FER: variants seen among roughly 807,000 people sequenced by gnomAD.
FER encodes FER tyrosine kinase.
Under a neutral mutation model 111.0 loss-of-function variants are expected in FER, and 63 were observed. The ratio of observed to expected loss-of-function variants is 0.57; its 90% CI spans 0.46 to 0.70. FER has a LOEUF of 0.70. Among genes scored for constraint, FER ranks in the 30% least tolerant of loss-of-function variants. FER has a pLI of 0.00. For synonymous variants in FER, 327 were observed against 313.9 expected, an observed-to-expected ratio of 1.04 and a Z score of -0.44; for missense variants, 914 against 954.0, an observed-to-expected ratio of 0.96 and a Z score of 0.55.
chr5:109,068,242 G>A (rs115398584), intron 16 of FER, among the ~76,000 whole-genome samples: 1,540 of 144,750 alleles, frequency 0.011, 20 homozygotes, highest in African/African-American at 0.037. Context: ...GGAGTGTAGC[G>A]GCACAGAGTC....
rs112196598 is a variant in FER at position 108,986,376 on chromosome 5, T to C, written c.1656+27029T>C. On this transcript the variant is annotated intron_variant, in intron 13 of 19. Coordinates refer to ENST00000281092, the MANE Select transcript of FER (RefSeq NM_005246.4). ...TTTCAGATGTATAGATTGTGAAGATTTTCTTCCACTCTATGTGTTGTCTGT... is the reference window on the plus strand; with the variant it reads ...TTTCAGATGTATAGATTGTGAAGATCTTCTTCCACTCTATGTGTTGTCTGT... 8.8e-3 allele frequency among the ~76,000 whole-genome samples: 1,346 copies of C among 152,174 alleles called. 22 individuals carry two copies. The highest frequency in any genetic ancestry group is 0.031 in the African/African-American group (1,277 of 41,534).
In FER at chr5:109,105,376, G is replaced by C. The variant is rs1438518197; in HGVS notation, c.2048+4857G>C. 4.0e-5 allele frequency among the ~76,000 whole-genome samples: 6 copies of C among 151,414 alleles called. No homozygotes were observed. The East Asian group carries it at 1.2e-3, about 29-fold the overall frequency. Reference sequence around the variant, plus strand: ...TTTGAGGATTTATTTCTCTATTTTTGTACTGAAAATGATTACCTAGTGTCT... The same window carrying C: ...TTTGAGGATTTATTTCTCTATTTTTCTACTGAAAATGATTACCTAGTGTCT... On this transcript the variant is annotated intron_variant, in intron 17 of 19. Coordinates refer to ENST00000281092, the MANE Select transcript of FER (RefSeq NM_005246.4).
intron 13 of FER, among the ~76,000 whole-genome samples, chr5:108,995,160 G>A (rs1319149792): frequency 6.6e-6 from 1 of 152,140 alleles, no homozygotes; most frequent in African/African-American, 2.4e-5. Flanking sequence ...GAAAAGGAGT[G>A]GTGAGAGAGG....
In FER at chr5:109,071,905, C is replaced by G. The variant is rs984437149; in HGVS notation, c.1924+24707C>G. On this transcript the variant is annotated intron_variant, in intron 16 of 19. Coordinates refer to ENST00000281092, the MANE Select transcript of FER (RefSeq NM_005246.4). ...GGCAATGTTTATATAGTTCTATCGT[C>G]ATGAGGGAATTTTTCTTCCTGAATA... is the stretch of plus-strand genomic sequence containing the variant. Among the ~76,000 whole-genome samples the G allele has an allele frequency of 2.7e-5, 4 of 150,550 alleles. No individual in the cohort carries two copies. In the Admixed American group the frequency reaches 2.7e-4, roughly 10 times the overall value.
intron 16 of FER, among the ~76,000 whole-genome samples, chr5:109,095,874 G>A (rs992361197): frequency 6.6e-6 from 1 of 151,874 alleles, no homozygotes; most frequent in Non-Finnish European, 1.5e-5. Flanking sequence ...AAACTTCTCA[G>A]GAAACAAATT....
At chr5:109,069,404 C>G (rs553718186) in intron 16 of FER, among the ~76,000 whole-genome samples, 1 of 152,202 alleles carries the variant, frequency 6.6e-6, no homozygotes, top group Admixed American at 6.5e-5. Context: ...GACAAGAGAT[C>G]TTTAGAGAGT....
intron 13 of FER, among the ~76,000 whole-genome samples, chr5:109,035,416 A>G (rs556975217): frequency 2.6e-5 from 4 of 152,246 alleles, no homozygotes; most frequent in African/African-American, 9.6e-5. Context: ...GTTTGTCTAG[A>G]TTTATTAACT....
intron 5 of FER, among the ~76,000 whole-genome samples, chr5:108,855,534 T>C (rs1580890700): frequency 7.2e-6 from 1 of 139,378 alleles, no homozygotes; most frequent in South Asian, 2.2e-4. Flanking sequence ...GGCAGGAGAA[T>C]GGCGTGAACC....
At chr5:108,892,491 T>C (rs1748271027) in intron 9 of FER, among the ~76,000 whole-genome samples, 1 of 152,230 alleles carries the variant, frequency 6.6e-6, no homozygotes, top group African/African-American at 2.4e-5. Context: ...GTTCATATCC[T>C]TCACCCCCTT....
intron 9 of FER, among the ~76,000 whole-genome samples, chr5:108,883,783 A>G (rs571857692): frequency 1.2e-4 from 19 of 152,136 alleles, no homozygotes; most frequent in Middle Eastern, 3.4e-3. Context: ...AGTTTGAACT[A>G]TCTTTCAAAA....
At chr5:108,975,348 C>T (rs1235567038) in intron 13 of FER, among the ~76,000 whole-genome samples, 2 of 152,090 alleles carry the variant, frequency 1.3e-5, no homozygotes, top group Non-Finnish European at 2.9e-5. Flanking sequence ...AGCGAACCAC[C>T]ATGACACATG....
At chr5:108,822,821 G>A (rs564994543) in intron 3 of FER, among the ~76,000 whole-genome samples, 76 of 148,126 alleles carry the variant, frequency 5.1e-4, no homozygotes, top group African/African-American at 1.7e-3. Flanking sequence ...ACAGAGTCTC[G>A]TTCTGTCGCC....
chr5:108,821,124 A>G (rs1466427163), intron 3 of FER, among the ~76,000 whole-genome samples: 1 of 152,220 alleles, frequency 6.6e-6, no homozygotes. Flanking sequence ...AAAAAATAAC[A>G]TGGTCTTAAA....
chr5:109,112,130 A>ATT (rs1749693119), intron 17 of FER, among the ~76,000 whole-genome samples: 1 of 151,854 alleles, frequency 6.6e-6, no homozygotes, highest in Non-Finnish European at 1.5e-5. Context: ...CCTACCTCAC[A>ATT]GTCACTGTTT....
chr5:108,772,502 C>T (rs545398185), intron 2 of FER, among the ~76,000 whole-genome samples: 3 of 151,754 alleles, frequency 2.0e-5, no homozygotes, highest in African/African-American at 7.3e-5. Flanking sequence ...ATGTACTTAA[C>T]ATCTCTTCTG....
intron 3 of FER, among the ~76,000 whole-genome samples, chr5:108,802,250 G>T (rs76791339): frequency 0.022 from 3,305 of 151,830 alleles, 114 homozygotes; most frequent in African/African-American, 0.076. Flanking sequence ...CTGGGATTTT[G>T]CTTGGAATTA....
chr5:108,860,470 C>T (rs1436701892), intron 5 of FER, among the ~76,000 whole-genome samples: 19 of 152,272 alleles, frequency 1.2e-4, no homozygotes, highest in Admixed American at 1.1e-3. Context: ...CTTGGGGCTG[C>T]ACATCTAATC....
intron 17 of FER, among the ~76,000 whole-genome samples, chr5:109,139,518 G>GA (rs1279944258): frequency 6.6e-6 from 1 of 151,658 alleles, no homozygotes. Flanking sequence ...CAGTTTTTAA[G>GA]AAAAAATGCT....
chr5:109,046,993 A>C, intron 15 of FER, 111 bp from the exon 16 acceptor site: 1 of 561,226 alleles, frequency 1.8e-6, no homozygotes. Flanking sequence ...CTGAAATTTT[A>C]AAAATTGAAT....
Sources: gnomAD v4.1 joint callset for allele counts (sites outside exome capture counted in the v4.1 genomes callset) on GRCh38, gnomAD v4.1.1 for gene constraint, MANE v1.5 for transcripts, NCBI Gene and HGNC (gene_info 2026-07-23, HGNC 2026-07-21) for gene names.